The following STC2 variants were observed in gnomAD, a reference collection of about 807,000 sequenced individuals.
STC2 encodes stanniocalcin-2.
A neutral mutation model predicts 22.7 loss-of-function variants in STC2; 7 were observed. The observed-to-expected ratio is 0.31, with a 90% CI of 0.18 to 0.58. The LOEUF is 0.58. Ranked by LOEUF, STC2 falls within the 20% of genes least tolerant of loss-of-function variation. The pLI, the probability that STC2 is intolerant of heterozygous loss-of-function variation, is 0.89. For missense variants in STC2, 336 were observed against 406.2 expected, an observed-to-expected ratio of 0.83 and a Z score of 1.48; for synonymous variants, 158 against 163.4, an observed-to-expected ratio of 0.97 and a Z score of 0.25.
At position 173,327,087 on chromosome 5, in the gene STC2, A is replaced by G. The variant is rs532937381; in HGVS notation, c.151+956T>C. Among the ~76,000 whole-genome samples, 14 of 151,890 alleles carry G rather than the reference A, an allele frequency of 9.2e-5. 1 individual carries two copies. The East Asian group carries it at 2.7e-3, about 30-fold the overall frequency. Reference sequence around the variant, plus strand: ...TCGGGGTGGTGGGGGTGCCGGCCCCAGCATGTGGAGGCGACAGGATCCGTA... The same window carrying G: ...TCGGGGTGGTGGGGGTGCCGGCCCCGGCATGTGGAGGCGACAGGATCCGTA... On this transcript the variant is annotated intron_variant, in intron 1 of 3. Transcript: ENST00000265087.
chr5:173,326,155 A>G, intron 1 of STC2, 145 bp from the exon 2 acceptor site: 1 of 857,810 alleles, frequency 1.2e-6, no homozygotes, highest in Non-Finnish European at 1.7e-6. Flanking sequence ...AGGACCTAAA[A>G]AGCCTGGGAA....
In STC2 at chr5:173,323,366, C is replaced by A; in HGVS notation, c.359G>T (p.Cys120Phe). The change falls in exon 3 of 4, where the codon TGC becomes TTC. Residue 120 changes from cysteine (C) to phenylalanine (F), a missense_variant. This residue lies in a region of STC2 where 22 missense variants were observed against 52.0 expected (regional missense o/e 0.42). Transcript: ENST00000265087. This position sits in a 1 kb window ranked among gnomAD's most constrained non-coding sequence, Gnocchi z 5.4. ...KAHALRHRFGCISRKCPAIRE... is the reference protein window; with the variant it reads ...KAHALRHRFGFISRKCPAIRE... Reference sequence around the variant, plus strand: ...GATGGCCGGGCACTTCCGGCTTATGCAGCCGAACCTGTGCCGCAGAGCGTG... The same window carrying A: ...GATGGCCGGGCACTTCCGGCTTATGAAGCCGAACCTGTGCCGCAGAGCGTG... The A allele has an allele frequency of 6.2e-7, 1 of 1,614,144 alleles. No individual in the cohort carries two copies. Among genetic ancestry groups the A allele is most frequent in the Non-Finnish European group, 8.5e-7 (1 of 1,179,996 alleles).
In STC2 at chr5:173,323,259, T is replaced by C. The variant is rs1762507458; in HGVS notation, c.466A>G (p.Ile156Val). The change falls in exon 3 of 4, where the codon ATA (isoleucine) becomes GTA (valine). Residue 156 changes from isoleucine (I) to valine (V), a missense_variant. Ile to Val is a conservative substitution (Grantham distance 29). Around this residue, in one of 3 missense-constraint regions of STC2, gnomAD observed 215 missense variants for 231.5 expected, o/e 0.93. Coordinates refer to ENST00000265087, the MANE Select transcript of STC2 (RefSeq NM_003714.3). The surrounding 1 kb of genome is among the most constrained non-coding windows in gnomAD (Gnocchi z 5.4). ...TCCTTGAAATGGATCATCTCCACTA[T>C]CACCCGGGTGTTCTCCTGGGCAGCC... is the stretch of plus-strand genomic sequence containing the variant. The part of the protein sequence containing the change: ...CAAAQENTRV[I>V]VEMIHFKDLL... 2 of 1,614,086 alleles carry C rather than the reference T, an allele frequency of 1.2e-6. No homozygotes were observed. The highest frequency in any genetic ancestry group is 1.7e-6 in the Non-Finnish European group (2 of 1,180,042).
At chr5:173,319,463 T>C (rs1222776013) in intron 3 of STC2, among the ~76,000 whole-genome samples, 1 of 152,240 alleles carries the variant, frequency 6.6e-6, no homozygotes. Flanking sequence ...GAAGTCACCA[T>C]GGAATGTGAG....
intron 3 of STC2, among the ~76,000 whole-genome samples, chr5:173,319,180 T>C (rs923195566): frequency 5.3e-5 from 8 of 152,194 alleles, no homozygotes; most frequent in African/African-American, 1.9e-4. Flanking sequence ...ACTGGAATAA[T>C]TTACTCCAGG....
chr5:173,320,606 G>C (rs985859548), intron 3 of STC2, among the ~76,000 whole-genome samples: 3 of 151,978 alleles, frequency 2.0e-5, no homozygotes, highest in Non-Finnish European at 4.4e-5. Flanking sequence ...CGGCAGCTAG[G>C]GGGAGACAGA....
Sources: allele counts gnomAD v4.1 joint callset (sites outside exome capture counted in the v4.1 genomes callset), GRCh38; gene constraint gnomAD v4.1.1; regional missense constraint gnomAD v4.1.1; non-coding constraint Gnocchi (gnomAD v3.1); transcripts MANE v1.5; gene names NCBI Gene and HGNC (gene_info 2026-07-23, HGNC 2026-07-21).